PSME4: variants seen among roughly 807,000 people sequenced by gnomAD.
PSME4 encodes the protein proteasome activator subunit 4.
In PSME4, 89 loss-of-function variants were observed where a neutral mutation model predicts 253.9. The observed-to-expected ratio is 0.35, with a 90% CI of 0.30 to 0.42. The LOEUF (loss-of-function observed/expected upper bound fraction) is 0.42, where lower values mean the gene tolerates loss of function less well. Among genes scored for constraint, PSME4 ranks in the 10% least tolerant of loss-of-function variants. The pLI, the probability that PSME4 is intolerant of heterozygous loss-of-function variation, is 1.00. For missense variants in PSME4, 2,014 were observed against 2,195.2 expected (o/e 0.92, Z 1.65); for synonymous variants, 851 against 759.2 (o/e 1.12, Z -1.99).
intron 31 of PSME4, 79 bp downstream of exon 31, chr2:53,897,791 T>C (rs1680210238): frequency 2.0e-6 from 3 of 1,465,890 alleles, no homozygotes; most frequent in East Asian, 2.3e-5. Context: ...CAAGTGTGTA[T>C]TGCTTGTGAA....
chr2:53,942,086 C>T (rs1470497158), intron 3 of PSME4: 1 of 152,542 alleles, frequency 6.6e-6, no homozygotes, highest in African/African-American at 2.4e-5. Flanking sequence ...TCAATTTCAA[C>T]CCCTTCTTAA....
chr2:53,876,707 ACTGTCATTCTTT>A (rs1384243868), intron 41 of PSME4, among the ~76,000 whole-genome samples: 2 of 112,996 alleles, frequency 1.8e-5, no homozygotes, highest in African/African-American at 6.4e-5. Context: ...GGCTGTAGCC[ACTGTCATTCTTT>A]TTTTTTTTTT....
chr2:53,910,898 A>T (rs1462644301), intron 20 of PSME4, among the ~76,000 whole-genome samples: 4 of 152,204 alleles, frequency 2.6e-5, no homozygotes, highest in Admixed American at 2.0e-4. Context: ...AATCAAAGAG[A>T]TACATTCTAA....
intron 4 of PSME4, among the ~76,000 whole-genome samples, 165 bp downstream of exon 4, chr2:53,939,791 C>G (rs1669300116): frequency 6.6e-6 from 1 of 152,100 alleles, no homozygotes; most frequent in African/African-American, 2.4e-5. Flanking sequence ...TAAATGAAAT[C>G]TGAGAAGTTC....
intron 3 of PSME4, among the ~76,000 whole-genome samples, chr2:53,945,500 G>A (rs1031532182): frequency 2.0e-5 from 3 of 151,984 alleles, no homozygotes; most frequent in Non-Finnish European, 2.9e-5. Flanking sequence ...GCTAGAAGGA[G>A]GAAGGAAGAG....
At chr2:53,908,924 G>A in intron 21 of PSME4, 84 bp from the exon 22 acceptor site, 1 of 1,041,576 alleles carries the variant, frequency 9.6e-7, no homozygotes, top group Non-Finnish European at 1.4e-6. Context: ...GTTAGGTCAA[G>A]GAGGGATAAA....
intron 3 of PSME4, 47 bp from the exon 4 acceptor site, chr2:53,940,047 A>T: frequency 2.9e-6 from 4 of 1,367,850 alleles, no homozygotes; most frequent in Non-Finnish European, 4.1e-6. Context: ...TATTTTAAGA[A>T]CATATCTAAT....
intron 23 of PSME4, 31 bp downstream of exon 23, chr2:53,908,479 T>C: frequency 6.2e-7 from 1 of 1,610,520 alleles, no homozygotes; most frequent in Non-Finnish European, 8.5e-7. Flanking sequence ...ATCGTATTAA[T>C]CATTATGCAA....
chr2:53,897,135 T>C (rs191890743), intron 31 of PSME4, among the ~76,000 whole-genome samples: 13 of 151,436 alleles, frequency 8.6e-5, no homozygotes, highest in East Asian at 7.8e-4. Flanking sequence ...GTTAAACCAA[T>C]ACCTGCTCAT....
intron 17 of PSME4, among the ~76,000 whole-genome samples, chr2:53,922,247 T>C: frequency 6.6e-6 from 1 of 152,124 alleles, no homozygotes. Context: ...ACCAAAAAAA[T>C]TCCCAAATCT....
At chr2:53,947,041 A>C (rs1442009999) in intron 3 of PSME4, among the ~76,000 whole-genome samples, 1 of 152,248 alleles carries the variant, frequency 6.6e-6, no homozygotes. Context: ...TTTATGGTTG[A>C]AATGAGTTTC....
At chr2:53,881,283 C>A (rs1339335694) in intron 41 of PSME4, among the ~76,000 whole-genome samples, 1 of 152,166 alleles carries the variant, frequency 6.6e-6, no homozygotes, top group Non-Finnish European at 1.5e-5. Flanking sequence ...AATATCTGTA[C>A]ATTCTTCTCT....
chr2:53,885,887 G>A, intron 40 of PSME4, 112 bp from the exon 41 acceptor site: 1 of 626,998 alleles, frequency 1.6e-6, no homozygotes, highest in Non-Finnish European at 2.8e-6. Context: ...GCTCTTCGGT[G>A]CTATGAAAGA....
chr2:53,867,098 C>T (rs916989097), intron 44 of PSME4, among the ~76,000 whole-genome samples: 2 of 152,178 alleles, frequency 1.3e-5, no homozygotes, highest in South Asian at 2.1e-4. Flanking sequence ...GTGGCTCATA[C>T]CTGTAATCCC....
rs1159309834 is a variant in PSME4, at chr2:53,866,839, A to C, written c.5305T>G (p.Cys1769Gly). The change falls in exon 45 of 47, where the codon TGT becomes GGT. Residue 1769 changes from cysteine (C) to glycine (G), a missense_variant. Physicochemically the swap from Cys to Gly is radical, Grantham distance 159. Around this residue, in one of 4 missense-constraint regions of PSME4, gnomAD observed 403 missense variants for 556.1 expected, o/e 0.72. Transcript: ENST00000404125. ...RHAGVLGLGA[C>G]VLSSPYDVPT... Reference sequence around the variant, plus strand: ...ACATCGTAAGGACTAGAAAGAACACATGCACCAAGTCCTAGCACCCCAGCA... The same window carrying C: ...ACATCGTAAGGACTAGAAAGAACACCTGCACCAAGTCCTAGCACCCCAGCA... 1 of 1,614,138 alleles carries C rather than the reference A, an allele frequency of 6.2e-7. No homozygotes were observed. Among genetic ancestry groups the C allele is most frequent in the South Asian group, 1.1e-5 (1 of 91,076 alleles).
intron 1 of PSME4, among the ~76,000 whole-genome samples, chr2:53,952,137 T>C (rs1001997591): frequency 6.6e-6 from 1 of 152,174 alleles, no homozygotes; most frequent in African/African-American, 2.4e-5. Flanking sequence ...TCAGGCCTTG[T>C]CAATATTCCA....
Position 53,919,246 on chromosome 2 carries a change from T to C in PSME4, c.2421A>G (p.Arg807=). 1 of 1,560,182 alleles carries C rather than the reference T, an allele frequency of 6.4e-7. No homozygotes were observed. The highest frequency in any genetic ancestry group is 8.6e-7 in the Non-Finnish European group (1 of 1,159,950). Residue 807 remains arginine (R), a splice_region_variant and synonymous_variant, in exon 20 of 47, where the codon AGA becomes AGG. Transcript: ENST00000404125. ...HCGDGKLEMS[R]DDILQSLTIV... is the part of the protein sequence containing the mutation. ...TAGTCAGACTCTGTAGAATATCATC[T>C]CTAGAAAAAAAAAAAAGACATTTTC...
intron 1 of PSME4, among the ~76,000 whole-genome samples, chr2:53,966,457 T>C (rs1214155725): frequency 6.6e-6 from 1 of 151,650 alleles, no homozygotes; most frequent in Non-Finnish European, 1.5e-5. Flanking sequence ...AGATCAAGAG[T>C]TTGAGACTGG....
chr2:53,948,269 A>T (rs1024512490), intron 3 of PSME4, 152 bp downstream of exon 3: 8 of 641,870 alleles, frequency 1.2e-5, no homozygotes, highest in African/African-American at 5.5e-5. Context: ...TATAGAGGGC[A>T]ATGAATTGTT....
Sources: allele counts gnomAD v4.1 joint callset (sites outside exome capture counted in the v4.1 genomes callset), GRCh38; gene constraint gnomAD v4.1.1; regional missense constraint gnomAD v4.1.1; transcripts MANE v1.5; gene names NCBI Gene and HGNC (gene_info 2026-07-23, HGNC 2026-07-21).